EHD4: variants seen among roughly 807,000 people sequenced by gnomAD.
The protein encoded by EHD4 is EH domain-containing protein 4.
Under a neutral mutation model 51.0 loss-of-function variants are expected in EHD4, and 37 were observed. The ratio of observed to expected loss-of-function variants is 0.73; its 90% CI spans 0.56 to 0.95. The LOEUF is 0.95. Among genes scored for constraint, EHD4 ranks in the 40% least tolerant of loss-of-function variants. The pLI is 0.00. For synonymous variants in EHD4, 297 were observed against 317.3 expected, an observed-to-expected ratio of 0.94 and a Z score of 0.68; for missense variants, 632 against 733.1, an observed-to-expected ratio of 0.86 and a Z score of 1.59.
At chr15:41,917,707 G>T (rs745327435) in intron 4 of EHD4, among the ~76,000 whole-genome samples, 1 of 152,176 alleles carries the variant, frequency 6.6e-6, no homozygotes, top group Non-Finnish European at 1.5e-5. Flanking sequence ...TTAGGCCCAG[G>T]ACAAGGGCGA....
chr15:41,968,129 A>T (rs1212484941), intron 1 of EHD4, among the ~76,000 whole-genome samples: 2 of 152,154 alleles, frequency 1.3e-5, no homozygotes, highest in African/African-American at 4.8e-5. Flanking sequence ...ATACCTTAAA[A>T]GGCTTTTTTA....
intron 1 of EHD4, among the ~76,000 whole-genome samples, chr15:41,958,295 C>A (rs1345056259): frequency 6.6e-6 from 1 of 151,960 alleles, no homozygotes; most frequent in Non-Finnish European, 1.5e-5. Context: ...GCCAAGCCAG[C>A]CACATAAAAA....
Position 41,953,765 on chromosome 15 carries a change from G to C in EHD4, c.412C>G (p.Arg138Gly). The change falls in exon 2 of 6, where the codon CGA becomes GGA. Residue 138 changes from arginine to glycine, a missense_variant and splice_region_variant. By Grantham distance (125) the Arg-to-Gly change is moderately radical (BLOSUM62 -2). Transcript: ENST00000220325. ...AGATGGCAGCTTGCTGGTCCTTACC[G>C]ATTCAGGAAAGCGTTTCCAAAGCGA... ...LSRFGNAFLN[R>G]FMCSQLPNQV... The C allele has an allele frequency of 6.2e-7, 1 of 1,603,300 alleles. No individual in the cohort carries two copies. The highest frequency in any genetic ancestry group is 8.5e-7 in the Non-Finnish European group (1 of 1,176,420).
chr15:41,949,562 A>G (rs2067839714), intron 2 of EHD4, among the ~76,000 whole-genome samples: 1 of 152,266 alleles, frequency 6.6e-6, no homozygotes, highest in African/African-American at 2.4e-5. Context: ...GCCCAGCTAA[A>G]ATGACTGAGC....
chr15:41,954,520 G>A (rs1331722264), intron 1 of EHD4, among the ~76,000 whole-genome samples: 1 of 152,170 alleles, frequency 6.6e-6, no homozygotes, highest in Non-Finnish European at 1.5e-5. Flanking sequence ...TATTTCCAGG[G>A]AAAGAGAGAA....
At chr15:41,959,188 C>T (rs562811524) in intron 1 of EHD4, among the ~76,000 whole-genome samples, 6 of 151,768 alleles carry the variant, frequency 4.0e-5, no homozygotes, top group South Asian at 4.2e-4. Context: ...GTCAGGAGAT[C>T]GAGACCATCC....
chr15:41,949,545 T>C (rs2067839505), intron 2 of EHD4, among the ~76,000 whole-genome samples: 1 of 152,130 alleles, frequency 6.6e-6, no homozygotes, highest in Non-Finnish European at 1.5e-5. Flanking sequence ...ATCATCACCA[T>C]CATCAGGCCC....
chr15:41,951,002 A>ACTAACC (rs79417445), intron 2 of EHD4, among the ~76,000 whole-genome samples: 15,096 of 151,852 alleles, frequency 0.099, 964 homozygotes, highest in Non-Finnish European at 0.15. Flanking sequence ...GAACAGCCTT[A>ACTAACC]CTAACCCTAA....
intron 3 of EHD4, chr15:41,942,520 CAG>C (rs2140999117): frequency 6.5e-6 from 1 of 152,950 alleles, no homozygotes; most frequent in African/African-American, 2.4e-5. Flanking sequence ...GCTGGGATTA[CAG>C]GCGTGAGCCA....
intron 1 of EHD4, among the ~76,000 whole-genome samples, chr15:41,963,406 C>T (rs913040507): frequency 2.0e-5 from 3 of 151,740 alleles, no homozygotes; most frequent in African/African-American, 7.3e-5. Flanking sequence ...CGAGACCAGC[C>T]TGGTTAACAT....
At chr15:41,921,435 GAACA>G (rs1198170520) in intron 3 of EHD4, 1 of 152,228 alleles carries the variant, frequency 6.6e-6, no homozygotes, top group Non-Finnish European at 1.5e-5. Context: ...TGAAAGGCCA[GAACA>G]AACTGCCTCC....
chr15:41,940,103 G>A (rs1315494394), intron 3 of EHD4, among the ~76,000 whole-genome samples: 1 of 152,122 alleles, frequency 6.6e-6, no homozygotes, highest in East Asian at 1.9e-4. Context: ...ATAGGCGTGA[G>A]CCACCGCGCC....
intron 1 of EHD4, among the ~76,000 whole-genome samples, chr15:41,956,502 C>T (rs1396829616): frequency 2.0e-5 from 3 of 152,200 alleles, no homozygotes; most frequent in Non-Finnish European, 4.4e-5. Context: ...AATCCCACTA[C>T]TTTTGAAATA....
intron 3 of EHD4, chr15:41,921,398 T>G (rs779413768): frequency 6.6e-6 from 1 of 152,160 alleles, no homozygotes; most frequent in Non-Finnish European, 1.5e-5. Context: ...TCACACATAG[T>G]CAAGGTTTCA....
At position 41,899,168 on chromosome 15, in the gene EHD4, T is replaced by C. The variant is rs1567241397; in HGVS notation, c.*1477A>G. The C allele has an allele frequency of 6.6e-6, 1 of 152,216 alleles. No homozygotes were observed. 9.4% of individuals were successfully genotyped at this position (152,216 alleles called of 1,614,324 possible). The stretch of plus-strand genomic sequence containing the variant: ...CCCATACCATGTGGCCATTGCTGTT[T>C]CGTGTCTCTTCCTGCATAAATAATG... On this transcript the variant is annotated 3_prime_UTR_variant, in exon 6 of 6. Coordinates refer to ENST00000220325, the MANE Select transcript of EHD4 (RefSeq NM_139265.4).
chr15:41,905,036 G>A (rs78649555), intron 5 of EHD4, among the ~76,000 whole-genome samples: 7,475 of 152,284 alleles, frequency 0.049, 279 homozygotes, highest in Non-Finnish European at 0.064. Context: ...AGCTCTCTGC[G>A]TGACCCTGAT....
chr15:41,904,766 G>T (rs940303312), intron 5 of EHD4, among the ~76,000 whole-genome samples: 21 of 152,226 alleles, frequency 1.4e-4, no homozygotes, highest in African/African-American at 5.1e-4. Flanking sequence ...CCAGTCAGAG[G>T]AGCAGAGTCA....
At chr15:41,949,582 G>A (rs934811204) in intron 2 of EHD4, among the ~76,000 whole-genome samples, 21 of 152,102 alleles carry the variant, frequency 1.4e-4, no homozygotes, top group Non-Finnish European at 2.5e-4. Context: ...CCCTGGAAGG[G>A]CTGTTCACAT....
chr15:41,913,846 G>T (rs2067565408), intron 4 of EHD4, among the ~76,000 whole-genome samples: 1 of 152,244 alleles, frequency 6.6e-6, no homozygotes, highest in African/African-American at 2.4e-5. Context: ...TTTGCCTTGT[G>T]TAAACTTGCA....
Sources: allele counts gnomAD v4.1 joint callset (sites outside exome capture counted in the v4.1 genomes callset), GRCh38; gene constraint gnomAD v4.1.1; transcripts MANE v1.5; gene names NCBI Gene and HGNC (gene_info 2026-07-23, HGNC 2026-07-21).